The following LARGE1 variants were observed in gnomAD, a reference collection of about 807,000 sequenced individuals.
The protein encoded by LARGE1 is LARGE xylosyl- and glucuronyltransferase 1, also known as xylosyl- and glucuronyltransferase LARGE1.
In LARGE1, 43 loss-of-function variants were observed where a neutral mutation model predicts 87.6. The observed-to-expected ratio is 0.49, with a 90% confidence interval of 0.38 to 0.63. LARGE1 has a LOEUF of 0.63. Ranked by LOEUF, LARGE1 falls within the 30% of genes least tolerant of loss-of-function variation. The pLI is 0.00. For synonymous variants in LARGE1, 434 were observed against 394.6 expected (o/e 1.10, Z -1.18); for missense variants, 802 against 1,000.2 (o/e 0.80, Z 2.67).
At chr22:33,749,644 G>A (rs917148128) in intron 2 of LARGE1, among the ~76,000 whole-genome samples, 5 of 152,298 alleles carry the variant, frequency 3.3e-5, no homozygotes, top group African/African-American at 9.6e-5. Flanking sequence ...CCTGATGTCC[G>A]TTCCTTCTCT....
At chr22:33,279,254 C>G (rs1017977593) in intron 13 of LARGE1, among the ~76,000 whole-genome samples, 1 of 152,048 alleles carries the variant, frequency 6.6e-6, no homozygotes, top group Middle Eastern at 3.4e-3. Flanking sequence ...GGAAGAGTAT[C>G]CAGAGCTGGA....
intron 3 of LARGE1, among the ~76,000 whole-genome samples, chr22:33,637,502 A>G (rs558767756): frequency 2.0e-4 from 31 of 152,252 alleles, no homozygotes; most frequent in African/African-American, 6.5e-4. Flanking sequence ...AGCCTCTCCT[A>G]TACTGTGTCA....
chr22:33,581,492 G>A (rs1030169559), intron 5 of LARGE1, among the ~76,000 whole-genome samples: 3 of 152,040 alleles, frequency 2.0e-5, no homozygotes, highest in Admixed American at 6.6e-5. Flanking sequence ...TGTTGACCTG[G>A]CTTGTTTTCC....
At chr22:33,093,804 C>CT in the LARGE1 span, among the ~76,000 whole-genome samples, 8 of 128,338 alleles carry the variant, frequency 6.2e-5, no homozygotes, top group South Asian at 8.0e-4. Context: ...GTCCTTGATT[C>CT]TTTTTTTTTC....
intron 1 of LARGE1, among the ~76,000 whole-genome samples, chr22:33,824,335 A>C (rs1047266679): frequency 3.3e-5 from 5 of 152,236 alleles, no homozygotes; most frequent in Admixed American, 2.0e-4. Context: ...TCATGGCAGA[A>C]GGCAAAGGGG....
chr22:33,828,074 G>T (rs5754710), intron 1 of LARGE1, among the ~76,000 whole-genome samples: 85,136 of 152,022 alleles, frequency 0.56, 24,901 homozygotes, highest in East Asian at 0.8. Context: ...GGCGGAAGGG[G>T]ACAAAGGTGT....
intron 11 of LARGE1, among the ~76,000 whole-genome samples, chr22:33,253,491 C>A (rs943809154): frequency 2.0e-5 from 3 of 152,148 alleles, no homozygotes; most frequent in African/African-American, 7.2e-5. Context: ...GTGGGCAGAT[C>A]ACTTAAGGTC....
intron 6 of LARGE1, among the ~76,000 whole-genome samples, chr22:33,529,256 C>T (rs916839291): frequency 2.6e-5 from 4 of 152,182 alleles, no homozygotes; most frequent in Admixed American, 6.5e-5. Flanking sequence ...TGGCCCCTTG[C>T]CTTGGCAGCC....
chr22:33,664,835 G>A (rs2081221958), intron 2 of LARGE1, among the ~76,000 whole-genome samples: 1 of 152,136 alleles, frequency 6.6e-6, no homozygotes, highest in Non-Finnish European at 1.5e-5. Context: ...CTCCAGCCCG[G>A]TGACAGAGCG....
intron 6 of LARGE1, among the ~76,000 whole-genome samples, chr22:33,447,624 T>C (rs2067737093): frequency 6.6e-6 from 1 of 152,222 alleles, no homozygotes. Flanking sequence ...TAGGAGCCAA[T>C]CTGGCTCTGC....
intron 1 of LARGE1, among the ~76,000 whole-genome samples, chr22:33,761,956 C>G (rs1242602181): frequency 2.0e-5 from 3 of 152,084 alleles, no homozygotes; most frequent in Non-Finnish European, 4.4e-5. Flanking sequence ...GTGGCTCACG[C>G]CTGTAATCTC....
intron 2 of LARGE1, among the ~76,000 whole-genome samples, chr22:33,675,292 CA>C (rs71320987): frequency 0.064 from 2,080 of 32,700 alleles, 30 homozygotes; most frequent in African/African-American, 0.095. Context: ...GAAACTCCAT[CA>C]AAAAAAAAAA....
chr22:33,811,498 G>C (rs906900939), intron 1 of LARGE1, among the ~76,000 whole-genome samples: 1 of 152,142 alleles, frequency 6.6e-6, no homozygotes, highest in Non-Finnish European at 1.5e-5. Context: ...CCTGAGTCTT[G>C]AAGGATTACT....
In LARGE1 at chr22:33,416,706, C is replaced by T. The variant is rs182389586; in HGVS notation, c.892+15455G>A. Among the ~76,000 whole-genome samples the T allele has an allele frequency of 3.5e-4, 53 of 152,050 alleles. 1 individual carries two copies. The highest frequency in any genetic ancestry group is 1.5e-3 in the Admixed American group (23 of 15,268). ...GCAACCTCCAACTCCTGGGTTCAGG[C>T]GATTTTCTTACCTCAGCTTCTAGAG... On this transcript the variant is annotated intron_variant, in intron 7 of 14. Transcript: ENST00000397394.
intron 11 of LARGE1, among the ~76,000 whole-genome samples, chr22:33,185,329 C>T (rs926901252): frequency 7.9e-5 from 12 of 152,068 alleles, no homozygotes; most frequent in East Asian, 3.9e-4. Flanking sequence ...ATGATTCCAA[C>T]GATATGGCAT....
At chr22:33,520,594 C>T (rs747913430) in intron 6 of LARGE1, among the ~76,000 whole-genome samples, 9 of 152,238 alleles carry the variant, frequency 5.9e-5, no homozygotes, top group Admixed American at 2.0e-4. Context: ...TGAGCTGAGC[C>T]ACATCAGCTT....
intron 6 of LARGE1, among the ~76,000 whole-genome samples, chr22:33,466,589 C>A (rs536083111): frequency 4.0e-5 from 6 of 151,506 alleles, no homozygotes; most frequent in Non-Finnish European, 8.8e-5. Flanking sequence ...TTGTCTAATA[C>A]CCCTACATAA....
At chr22:33,847,816 C>A (rs959460905) in intron 1 of LARGE1, among the ~76,000 whole-genome samples, 30 of 152,242 alleles carry the variant, frequency 2.0e-4, no homozygotes, top group African/African-American at 5.8e-4. Flanking sequence ...TGCCTAAAAA[C>A]CCAGCATGGC....
At chr22:33,870,667 C>A (rs1216654027) in intron 1 of LARGE1, among the ~76,000 whole-genome samples, 5 of 152,112 alleles carry the variant, frequency 3.3e-5, no homozygotes, top group African/African-American at 1.2e-4. Flanking sequence ...CTCCCGGGTT[C>A]CAGCGATTCT....
Sources: allele counts gnomAD v4.1 joint callset (sites outside exome capture counted in the v4.1 genomes callset), GRCh38; gene constraint gnomAD v4.1.1; transcripts MANE v1.5; gene names NCBI Gene and HGNC (gene_info 2026-07-23, HGNC 2026-07-21).